The following HECW2 variants were observed in gnomAD, a reference collection of about 807,000 sequenced individuals.
HECW2 encodes the protein HECT, C2 and WW domain containing E3 ubiquitin protein ligase 2.
Under a neutral mutation model 175.2 loss-of-function variants are expected in HECW2, and 61 were observed. The ratio of observed to expected loss-of-function variants is 0.35; its 90% confidence interval spans 0.28 to 0.43. The LOEUF (loss-of-function observed/expected upper bound fraction) is 0.43, where lower values mean the gene tolerates loss of function less well. Ranked by LOEUF, HECW2 falls within the 20% of genes least tolerant of loss-of-function variation. The pLI is 1.00. For synonymous variants in HECW2, 671 were observed against 731.0 expected, an observed-to-expected ratio of 0.92 and a Z score of 1.32; for missense variants, 1,524 against 2,000.5, an observed-to-expected ratio of 0.76 and a Z score of 4.54.
intron 2 of HECW2, among the ~76,000 whole-genome samples, chr2:196,349,013 T>C (rs1693067697): frequency 6.6e-6 from 1 of 152,234 alleles, no homozygotes; most frequent in South Asian, 2.1e-4. Flanking sequence ...TCTGTATCTG[T>C]GCCTACTTCT....
intron 1 of HECW2, among the ~76,000 whole-genome samples, chr2:196,526,015 AC>A (rs1479634925): frequency 1.2e-5 from 1 of 84,196 alleles, no homozygotes; most frequent in African/African-American, 5.0e-5. Context: ...CTGAATCTGA[AC>A]GTTGGCCTGC....
At chr2:196,329,749 A>G in intron 4 of HECW2, 99 bp from the exon 5 acceptor site, 1 of 918,722 alleles carries the variant, frequency 1.1e-6, no homozygotes, top group South Asian at 1.4e-5. Flanking sequence ...TGATTTTTGC[A>G]TCAAACGGGT....
chr2:196,207,509 C>T (rs998757220), intron 28 of HECW2, among the ~76,000 whole-genome samples: 1 of 152,130 alleles, frequency 6.6e-6, no homozygotes, highest in Admixed American at 6.6e-5. Context: ...ATGTGTGTAA[C>T]TTATGGCAGC....
intron 3 of HECW2, among the ~76,000 whole-genome samples, chr2:196,339,268 C>T (rs1247014051): frequency 3.3e-5 from 5 of 152,096 alleles, no homozygotes; most frequent in Non-Finnish European, 5.9e-5. Flanking sequence ...TAAAAAGGCA[C>T]CCATGACACA....
At chr2:196,398,413 CAA>C (rs1294017602) in intron 2 of HECW2, among the ~76,000 whole-genome samples, 1 of 152,112 alleles carries the variant, frequency 6.6e-6, no homozygotes, top group African/African-American at 2.4e-5. Context: ...TTTTCAAAAA[CAA>C]GAGATATTGC....
chr2:196,403,309 T>C (rs11898701), intron 2 of HECW2, among the ~76,000 whole-genome samples: 2,539 of 152,310 alleles, frequency 0.017, 66 homozygotes, highest in African/African-American at 0.057. Flanking sequence ...AACAGATACA[T>C]GTTCAGGAAC....
intron 2 of HECW2, among the ~76,000 whole-genome samples, chr2:196,381,766 C>A (rs1194790552): frequency 6.6e-6 from 1 of 152,024 alleles, no homozygotes; most frequent in Non-Finnish European, 1.5e-5. Flanking sequence ...CCTAAACTGC[C>A]AGATTTCCTG....
rs938248846 is a variant in HECW2, at chr2:196,538,903, C to T, written c.-36+54605G>A. ...ATCAACGCACCACCACAGCAGTTTC[C>T]TCGGAGCTCAGGTACTCTTTGAAAG... On this transcript the variant is annotated intron_variant, in intron 1 of 28. Coordinates refer to ENST00000644978, the MANE Select transcript of HECW2 (RefSeq NM_001348768.2). 1.3e-5 allele frequency among the ~76,000 whole-genome samples: 2 copies of T among 152,158 alleles called. 1 individual carries two copies. Among genetic ancestry groups the T allele is most frequent in the Non-Finnish European group, 2.9e-5 (2 of 68,034 alleles).
chr2:196,233,950 CTG>C (rs780979531), intron 21 of HECW2, among the ~76,000 whole-genome samples: 3 of 152,164 alleles, frequency 2.0e-5, no homozygotes, highest in Non-Finnish European at 2.9e-5. Flanking sequence ...TTTCATTTGC[CTG>C]TCTCAGGGGA....
chr2:196,249,931 G>T (rs1238628651), intron 19 of HECW2, among the ~76,000 whole-genome samples: 7 of 152,228 alleles, frequency 4.6e-5, no homozygotes, highest in Admixed American at 3.3e-4. Flanking sequence ...AACTCTAAAT[G>T]TAAGTTTCTA....
At chr2:196,221,585 G>T (rs369607264) in intron 24 of HECW2, among the ~76,000 whole-genome samples, 16 of 152,060 alleles carry the variant, frequency 1.1e-4, no homozygotes, top group African/African-American at 3.4e-4. Context: ...TTGAGACAGG[G>T]TCTCACTCTC....
At chr2:196,218,505 T>G (rs1457854394) in intron 26 of HECW2, among the ~76,000 whole-genome samples, 1 of 152,214 alleles carries the variant, frequency 6.6e-6, no homozygotes, top group East Asian at 1.9e-4. Flanking sequence ...CTGATTCTAT[T>G]AATGCATTGC....
rs1014109138 is a variant in HECW2 at position 196,346,901 on chromosome 2, G to A, written c.293-3137C>T. Among the ~76,000 whole-genome samples, 4 of 148,218 alleles carry A rather than the reference G, an allele frequency of 2.7e-5. 1 individual carries two copies. The highest frequency in any genetic ancestry group is 4.3e-4 in the South Asian group (2 of 4,646). On this transcript the variant is annotated intron_variant, in intron 2 of 28. Coordinates refer to ENST00000644978, the MANE Select transcript of HECW2 (RefSeq NM_001348768.2). ...CAGGCGCCTGTAATCCCAGCTACTC[G>A]GGAGGCTGAGGCAGGTGAATTGCTT...
At chr2:196,506,168 C>A (rs574901590) in intron 1 of HECW2, among the ~76,000 whole-genome samples, 11 of 152,024 alleles carry the variant, frequency 7.2e-5, no homozygotes, top group African/African-American at 2.4e-5. Flanking sequence ...AAGACCCAAA[C>A]GAGGTGAAAG....
intron 13 of HECW2, among the ~76,000 whole-genome samples, chr2:196,299,329 T>TAAA (rs11368645): frequency 9.7e-5 from 14 of 144,608 alleles, no homozygotes; most frequent in African/African-American, 3.6e-4. Context: ...CAAAATAAGT[T>TAAA]AAAAAAAAAA....
chr2:196,220,539 T>C (rs1410016776), intron 25 of HECW2, among the ~76,000 whole-genome samples: 3 of 152,258 alleles, frequency 2.0e-5, no homozygotes, highest in Admixed American at 6.5e-5. Context: ...ATGGCTTAAA[T>C]GTTACTAGTG....
chr2:196,366,607 C>T (rs1017432419), intron 2 of HECW2, among the ~76,000 whole-genome samples: 5 of 152,172 alleles, frequency 3.3e-5, no homozygotes, highest in Admixed American at 2.6e-4. Context: ...GTGGTATCTG[C>T]TTTATTTGAT....
chr2:196,325,232 A>C, intron 5 of HECW2, 83 bp from the exon 6 acceptor site: 2 of 997,620 alleles, frequency 2.0e-6, no homozygotes, highest in Non-Finnish European at 2.9e-6. Flanking sequence ...GGAGAGAACA[A>C]GGGACAGAAG....
intron 28 of HECW2, among the ~76,000 whole-genome samples, chr2:196,213,930 C>G (rs1687379672): frequency 6.6e-6 from 1 of 152,122 alleles, no homozygotes; most frequent in Non-Finnish European, 1.5e-5. Context: ...CTCTAAGGTC[C>G]CAGAGTTAGC....
Sources: gnomAD v4.1 joint callset for allele counts (sites outside exome capture counted in the v4.1 genomes callset) on GRCh38, gnomAD v4.1.1 for gene constraint, MANE v1.5 for transcripts, NCBI Gene and HGNC (gene_info 2026-07-23, HGNC 2026-07-21) for gene names.